PFKFB4: variants seen among roughly 807,000 people sequenced by gnomAD.
PFKFB4 encodes the protein 6-phosphofructo-2-kinase/fructose-2,6-bisphosphatase 4.
PFKFB4 carries 42 observed loss-of-function variants against 62.8 expected under a neutral mutation model. That is an observed-to-expected ratio of 0.67 (90% CI 0.52 to 0.86). The LOEUF (loss-of-function observed/expected upper bound fraction) is 0.86. PFKFB4 is among the 40% of genes least tolerant of loss of function. The pLI is 0.00. For synonymous variants in PFKFB4, 204 were observed against 240.7 expected (o/e 0.85, Z 1.41); for missense variants, 475 against 627.2 (o/e 0.76, Z 2.59).
chr3:48,525,692 A>T (rs770382620), intron 9 of PFKFB4, 23 bp from the exon 10 acceptor site: 39 of 1,360,444 alleles, frequency 2.9e-5, no homozygotes, highest in Non-Finnish European at 2.1e-6. Context: ...CACAGTCATC[A>T]CACCTCCTAC....
upstream of PFKFB4, among the ~76,000 whole-genome samples, chr3:48,558,068 A>G (rs748252526): frequency 1.3e-5 from 2 of 152,178 alleles, no homozygotes; most frequent in Non-Finnish European, 2.9e-5. Context: ...TAAATTAAGT[A>G]TGTCAATCTC....
chr3:48,529,484 T>C (rs1428378506), intron 9 of PFKFB4, among the ~76,000 whole-genome samples: 1 of 151,992 alleles, frequency 6.6e-6, no homozygotes, highest in South Asian at 2.1e-4. Flanking sequence ...GGAAAAAAAC[T>C]GGGGTGGCTG....
At chr3:48,555,868 C>A (rs2043299843) in intron 1 of PFKFB4, among the ~76,000 whole-genome samples, 2 of 151,784 alleles carry the variant, frequency 1.3e-5, no homozygotes, top group African/African-American at 2.4e-5. Flanking sequence ...CGCGCCACTG[C>A]ACTTGCTCCA....
At chr3:48,547,462 G>A (rs1359984803) in intron 3 of PFKFB4, among the ~76,000 whole-genome samples, 1 of 152,022 alleles carries the variant, frequency 6.6e-6, no homozygotes, top group African/African-American at 2.4e-5. Flanking sequence ...TAGAATATGT[G>A]TACTTATGCC....
intron 10 of PFKFB4, among the ~76,000 whole-genome samples, chr3:48,524,877 T>A (rs894541384): frequency 3.3e-5 from 5 of 152,198 alleles, no homozygotes; most frequent in Non-Finnish European, 7.3e-5. Flanking sequence ...GTTTCTGACC[T>A]GGGGCCTGGG....
chr3:48,540,631 AC>A (rs1287489877), intron 4 of PFKFB4, among the ~76,000 whole-genome samples: 1 of 152,028 alleles, frequency 6.6e-6, no homozygotes, highest in Non-Finnish European at 1.5e-5. Context: ...TTTTTTTGAG[AC>A]AGGGTCTCAC....
chr3:48,546,214 T>C (rs1469382834), intron 3 of PFKFB4, among the ~76,000 whole-genome samples: 1 of 152,064 alleles, frequency 6.6e-6, no homozygotes, highest in South Asian at 2.1e-4. Flanking sequence ...AACCCCTGTG[T>C]GCGGTATGTG....
At chr3:48,537,066 G>A (rs562648519) in intron 7 of PFKFB4, among the ~76,000 whole-genome samples, 18 of 152,272 alleles carry the variant, frequency 1.2e-4, no homozygotes, top group Admixed American at 8.5e-4. Flanking sequence ...GGTGGCAGCC[G>A]ATAAGTCCAG....
intron 9 of PFKFB4, chr3:48,525,897 C>T (rs1345822345): frequency 2.8e-6 from 1 of 359,926 alleles, no homozygotes; most frequent in Non-Finnish European, 5.1e-6. Context: ...TATCCATCAC[C>T]CATCCAATAC....
intron 3 of PFKFB4, among the ~76,000 whole-genome samples, chr3:48,546,937 G>T (rs978329443): frequency 6.6e-6 from 1 of 152,206 alleles, no homozygotes; most frequent in Non-Finnish European, 1.5e-5. Context: ...GTGACTCCAT[G>T]AGGAGAAAAT....
chr3:48,528,938 T>C (rs981336088), intron 9 of PFKFB4, among the ~76,000 whole-genome samples: 11 of 152,206 alleles, frequency 7.2e-5, no homozygotes, highest in Admixed American at 2.6e-4. Context: ...AGGATTTCTA[T>C]CTGGGGTGAT....
chr3:48,535,403 C>A (rs1334864337), intron 9 of PFKFB4, 109 bp downstream of exon 9: 1 of 990,288 alleles, frequency 1.0e-6, no homozygotes, highest in East Asian at 2.6e-5. Flanking sequence ...TGTATCCTTT[C>A]TCTCTCCTCT....
chr3:48,551,856 C>T (rs2043167316), intron 1 of PFKFB4, among the ~76,000 whole-genome samples: 1 of 152,080 alleles, frequency 6.6e-6, no homozygotes, highest in South Asian at 2.1e-4. Context: ...GTTTCCAGTG[C>T]CATCAAACGC....
intron 3 of PFKFB4, among the ~76,000 whole-genome samples, chr3:48,549,210 C>T (rs942149370): frequency 2.0e-5 from 3 of 152,144 alleles, no homozygotes; most frequent in Admixed American, 6.5e-5. Context: ...GAGGGTGGGG[C>T]GGTAGCATAT....
intron 3 of PFKFB4, among the ~76,000 whole-genome samples, chr3:48,546,954 G>A (rs1330812235): frequency 6.6e-6 from 1 of 152,192 alleles, no homozygotes; most frequent in African/African-American, 2.4e-5. Context: ...AAATCTTGAT[G>A]CTCGCTCCTG....
rs2041964434 is a variant in PFKFB4, at chr3:48,517,752, C to T, written c.*1995G>A. 1 of 152,668 alleles carries T rather than the reference C, an allele frequency of 6.6e-6. No individual in the cohort carries two copies. Among genetic ancestry groups the T allele is most frequent in the Admixed American group, 6.5e-5 (1 of 15,290 alleles). The allele number at this position is 152,668 out of a possible 1,614,324, so 9.5% of individuals were successfully genotyped here. On this transcript the variant is annotated 3_prime_UTR_variant, in exon 14 of 14. Coordinates refer to ENST00000232375, the MANE Select transcript of PFKFB4 (RefSeq NM_004567.4). Reference sequence around the variant, plus strand: ...TGTTGCATGTGGCTGAGATTCAATACCATCCATTCTGGGGAACTCGGGAAA... The same window carrying T: ...TGTTGCATGTGGCTGAGATTCAATATCATCCATTCTGGGGAACTCGGGAAA...
At chr3:48,531,109 G>A (rs1349370876) in intron 9 of PFKFB4, among the ~76,000 whole-genome samples, 1 of 152,054 alleles carries the variant, frequency 6.6e-6, no homozygotes, top group African/African-American at 2.4e-5. Flanking sequence ...GTTCATGCCT[G>A]TAATCCCAGC....
upstream of PFKFB4, chr3:48,559,900 A>C (rs1318562861): frequency 1.3e-4 from 2 of 15,544 alleles, no homozygotes; most frequent in East Asian, 3.8e-3. Context: ...CCATCCCACC[A>C]CACACACACA....
chr3:48,559,133 A>C (rs2043393678), upstream of PFKFB4, among the ~76,000 whole-genome samples: 1 of 152,062 alleles, frequency 6.6e-6, no homozygotes, highest in African/African-American at 2.4e-5. Flanking sequence ...AGGCATCCTC[A>C]CACCCAGACA....
Sources: allele counts gnomAD v4.1 joint callset (sites outside exome capture counted in the v4.1 genomes callset), GRCh38; gene constraint gnomAD v4.1.1; transcripts MANE v1.5; gene names NCBI Gene and HGNC (gene_info 2026-07-23, HGNC 2026-07-21).